The following PTPN3 variants were observed in gnomAD, a reference collection of about 807,000 sequenced individuals.
PTPN3 encodes the protein protein tyrosine phosphatase non-receptor type 3, also known as tyrosine-protein phosphatase non-receptor type 3.
In PTPN3, 96 loss-of-function variants were observed where a neutral mutation model predicts 132.7. That is an observed-to-expected ratio of 0.72 (90% CI 0.61 to 0.86). The LOEUF is 0.86. PTPN3 is among the 40% of genes least tolerant of loss of function. The pLI, the probability that PTPN3 is intolerant of heterozygous loss-of-function variation, is 0.00. For missense variants in PTPN3, 1,125 were observed against 1,159.6 expected, an observed-to-expected ratio of 0.97 and a Z score of 0.43; for synonymous variants, 398 against 429.0, an observed-to-expected ratio of 0.93 and a Z score of 0.89.
intron 1 of PTPN3, among the ~76,000 whole-genome samples, chr9:109,473,879 A>G (rs891826199): frequency 7.9e-5 from 12 of 150,998 alleles, no homozygotes; most frequent in Non-Finnish European, 4.4e-5. Context: ...CATCCTCCTG[A>G]GTTTTTTAAA....
At chr9:109,506,575 C>CCT in the PTPN3 span, among the ~76,000 whole-genome samples, 5 of 145,012 alleles carry the variant, frequency 3.4e-5, no homozygotes, top group Non-Finnish European at 7.6e-5. Context: ...TTCCTTCCTT[C>CCT]CTCTCTCTCT....
intron 12 of PTPN3, 58 bp from the exon 13 acceptor site, chr9:109,422,910 C>T (rs1197384984): frequency 6.4e-6 from 10 of 1,570,646 alleles, no homozygotes; most frequent in African/African-American, 4.1e-5. Flanking sequence ...AAAGAAATTA[C>T]TGCATGTGTG....
At chr9:109,393,736 T>G (rs1356673097) in intron 19 of PTPN3, among the ~76,000 whole-genome samples, 5 of 152,174 alleles carry the variant, frequency 3.3e-5, no homozygotes, top group African/African-American at 1.2e-4. Context: ...GCCAACATCC[T>G]TAATAAAGAT....
At chr9:109,475,955 T>C (rs1048270261) in intron 1 of PTPN3, among the ~76,000 whole-genome samples, 6 of 152,072 alleles carry the variant, frequency 3.9e-5, no homozygotes, top group Non-Finnish European at 8.8e-5. Flanking sequence ...CAGAGAAAAA[T>C]ACTCTCCACT....
At chr9:109,531,222 A>G in the PTPN3 span, among the ~76,000 whole-genome samples, 1 of 152,152 alleles carries the variant, frequency 6.6e-6, no homozygotes, top group African/African-American at 2.4e-5. Context: ...GCAGTTTTCA[A>G]TTGTCCACTA....
chr9:109,381,529 T>C (rs1839084229), intron 25 of PTPN3, 123 bp downstream of exon 25: 2 of 1,393,642 alleles, frequency 1.4e-6, no homozygotes, highest in South Asian at 1.3e-5. Flanking sequence ...CTCTGTGACC[T>C]TGGGCAAGTG....
intron 8 of PTPN3, among the ~76,000 whole-genome samples, chr9:109,437,736 T>C (rs896691324): frequency 4.1e-5 from 6 of 147,658 alleles, no homozygotes; most frequent in Admixed American, 3.4e-4. Context: ...TCTGTCTGTC[T>C]GTTTAACAAG....
intron 7 of PTPN3, among the ~76,000 whole-genome samples, chr9:109,440,109 C>A (rs536611615): frequency 6.6e-6 from 1 of 152,264 alleles, no homozygotes; most frequent in South Asian, 2.1e-4. Context: ...GCATGACACA[C>A]AGTAGGTGCT....
chr9:109,429,577 C>T (rs1843518292), intron 10 of PTPN3, among the ~76,000 whole-genome samples: 1 of 152,262 alleles, frequency 6.6e-6, no homozygotes, highest in South Asian at 2.1e-4. Flanking sequence ...GTGGGGTCCA[C>T]TATCTGGGGG....
chr9:109,449,926 A>G (rs922791287), intron 5 of PTPN3: 19 of 985,292 alleles, frequency 1.9e-5, no homozygotes, highest in Non-Finnish European at 2.0e-5. Flanking sequence ...GGCTTTGTAC[A>G]TGGTACTACT....
intron 5 of PTPN3, among the ~76,000 whole-genome samples, chr9:109,452,233 A>G (rs559847893): frequency 7.3e-6 from 1 of 137,086 alleles, no homozygotes; most frequent in East Asian, 2.2e-4. Flanking sequence ...GCGCCACTGC[A>G]CTCCAGCCTG....
intron 25 of PTPN3, among the ~76,000 whole-genome samples, chr9:109,380,227 A>ATCTG (rs932335799): frequency 6.8e-6 from 1 of 147,286 alleles, no homozygotes; most frequent in African/African-American, 2.5e-5. Flanking sequence ...CTATCTATCT[A>ATCTG]TCTATCTATC....
chr9:109,464,926 G>C (rs892809669), intron 1 of PTPN3, among the ~76,000 whole-genome samples: 1 of 152,160 alleles, frequency 6.6e-6, no homozygotes, highest in Non-Finnish European at 1.5e-5. Flanking sequence ...TGTGTAGTGA[G>C]GGGAAGGGGG....
chr9:109,528,719 T>C, the PTPN3 span, among the ~76,000 whole-genome samples: 2 of 152,142 alleles, frequency 1.3e-5, no homozygotes, highest in Admixed American at 1.3e-4. Flanking sequence ...TATGTATATA[T>C]ATATGTTATG....
At chr9:109,419,751 G>A (rs1023451050) in intron 14 of PTPN3, among the ~76,000 whole-genome samples, 27 of 152,118 alleles carry the variant, frequency 1.8e-4, no homozygotes, top group Non-Finnish European at 3.7e-4. Flanking sequence ...AAGGCAAAAA[G>A]GGAAACAAAT....
rs200573109 is a variant in PTPN3, at chr9:109,459,598, C to A, written c.139-2199G>T. 5.3e-5 allele frequency among the ~76,000 whole-genome samples: 8 copies of A among 152,272 alleles called. No individual in the cohort carries two copies. The South Asian group carries it at 8.3e-4, about 16-fold the overall frequency. Reference sequence around the variant, plus strand: ...ACAGGGTCTTGCTCCACTGCCCCTGCTGGAGTGCAGTGGTACAATTAGCTC... The same window carrying A: ...ACAGGGTCTTGCTCCACTGCCCCTGATGGAGTGCAGTGGTACAATTAGCTC... On this transcript the variant is annotated intron_variant, in intron 2 of 25. Coordinates refer to ENST00000374541, the MANE Select transcript of PTPN3 (RefSeq NM_002829.4).
In PTPN3 at chr9:109,498,010, C is replaced by A. The variant is rs1847757784; in HGVS notation, c.-18+209G>T. ...CCGGCGCCCCGCCCGCGCCCTCCCG[C>A]CCCGGCCCCGCCAGGTGAGCGCAGC... On this transcript the variant is annotated intron_variant, in intron 1 of 25. Transcript: ENST00000374541. This position sits in a 1 kb window ranked among gnomAD's most constrained non-coding sequence, Gnocchi z 4.2. Among the ~76,000 whole-genome samples the A allele has an allele frequency of 6.9e-6, 1 of 145,786 alleles. No homozygotes were observed. Among genetic ancestry groups the A allele is most frequent in the Non-Finnish European group, 1.5e-5 (1 of 65,582 alleles).
rs201640227 is a variant in PTPN3 at position 109,381,672 on chromosome 9, C to T, written c.2644G>A (p.Ala882Thr). The T allele has an allele frequency of 1.7e-5, 28 of 1,614,212 alleles. No homozygotes were observed. The highest frequency in any genetic ancestry group is 8.3e-5 in the Admixed American group (5 of 60,022). ...CTCACTGATGTCTGCACCATCATGGCGCGCTGGTCTCGCATTTTTCGGACA... is the reference window on the plus strand; with the variant it reads ...CTCACTGATGTCTGCACCATCATGGTGCGCTGGTCTCGCATTTTTCGGACA... ...DIVRKMRDQR[A>T]MMVQTSSQYK... Residue 882 changes from alanine (A) to threonine (T), a missense_variant, in exon 25 of 26, where the codon GCC (alanine) becomes ACC (threonine). Ala to Thr is a moderately conservative substitution (Grantham distance 58). Transcript: ENST00000374541.
rs187233922 is a variant in PTPN3, at chr9:109,485,273, C to T, written c.-18+12946G>A. Among the ~76,000 whole-genome samples, 228 of 152,130 alleles carry T rather than the reference C, an allele frequency of 1.5e-3. 2 individuals are homozygous for T. Among genetic ancestry groups the T allele is most frequent in the African/African-American group, 4.8e-3 (200 of 41,504 alleles). ...CTGTAATCCCAGCACTTTGGGAGGC[C>T]GAGGCGGGTGGATCACGAGGTCAGG... On this transcript the variant is annotated intron_variant, in intron 1 of 25. Coordinates refer to ENST00000374541, the MANE Select transcript of PTPN3 (RefSeq NM_002829.4).
Sources: allele counts gnomAD v4.1 joint callset (sites outside exome capture counted in the v4.1 genomes callset), GRCh38; gene constraint gnomAD v4.1.1; non-coding constraint Gnocchi (gnomAD v3.1); transcripts MANE v1.5; gene names NCBI Gene and HGNC (gene_info 2026-07-23, HGNC 2026-07-21).